The following ANO10 variants were observed in gnomAD, a reference collection of about 807,000 sequenced individuals.
ANO10 encodes anoctamin-10.
A neutral mutation model predicts 74.7 loss-of-function variants in ANO10; 77 were observed. The observed-to-expected ratio is 1.03, with a 90% CI of 0.86 to 1.25. The LOEUF is 1.25. Ranked by LOEUF, ANO10 falls within the 50% of genes most tolerant of loss-of-function variation. The pLI, the probability that ANO10 is intolerant of heterozygous loss-of-function variation, is 0.00. For synonymous variants in ANO10, 279 were observed against 284.9 expected (o/e 0.98, Z 0.21); for missense variants, 721 against 778.1 (o/e 0.93, Z 0.87).
chr3:43,502,637 A>G (rs907078988), intron 11 of ANO10, among the ~76,000 whole-genome samples: 1 of 152,130 alleles, frequency 6.6e-6, no homozygotes, highest in Non-Finnish European at 1.5e-5. Flanking sequence ...TATTCCTTTT[A>G]TAACAACACA....
At chr3:43,426,943 C>T (rs1243119351) in intron 12 of ANO10, among the ~76,000 whole-genome samples, 2 of 152,168 alleles carry the variant, frequency 1.3e-5, no homozygotes, top group African/African-American at 2.4e-5. Context: ...GTTTTCAGTA[C>T]ATTTCCTTCC....
intron 1 of ANO10, among the ~76,000 whole-genome samples, chr3:43,637,121 G>C (rs1439628530): frequency 6.6e-6 from 1 of 152,196 alleles, no homozygotes; most frequent in Admixed American, 6.5e-5. Context: ...AGTGAGCTGT[G>C]TTTGCACCAC....
chr3:43,398,832 C>A (rs2092428887), intron 12 of ANO10, among the ~76,000 whole-genome samples: 2 of 152,232 alleles, frequency 1.3e-5, no homozygotes, highest in Non-Finnish European at 2.9e-5. Context: ...TAGTATCTAT[C>A]TCATAGAGTT....
upstream of ANO10, among the ~76,000 whole-genome samples, chr3:43,622,593 A>T (rs2083444218): frequency 6.6e-6 from 1 of 152,182 alleles, no homozygotes; most frequent in Admixed American, 6.5e-5. Context: ...AACCACAGCC[A>T]AATCCCAAAA....
At chr3:43,623,285 T>C (rs970078299), upstream of ANO10, among the ~76,000 whole-genome samples, 3 of 152,258 alleles carry the variant, frequency 2.0e-5, no homozygotes, top group Admixed American at 1.3e-4. Context: ...ACAGTCTATT[T>C]TTATAATTGT....
At chr3:43,497,683 G>A (rs1375305473) in intron 11 of ANO10, among the ~76,000 whole-genome samples, 1 of 152,174 alleles carries the variant, frequency 6.6e-6, no homozygotes, top group East Asian at 1.9e-4. Flanking sequence ...CCTCCCAGAT[G>A]CCCTCTGCCC....
intron 4 of ANO10, among the ~76,000 whole-genome samples, chr3:43,582,512 A>G (rs1467012263): frequency 3.3e-5 from 5 of 152,306 alleles, no homozygotes; most frequent in African/African-American, 1.2e-4. Context: ...TATTCTTAGG[A>G]CAGGTCCCCA....
In ANO10 at chr3:43,432,728, C is replaced by T; in HGVS notation, c.1798-1G>A. 6.2e-7 allele frequency: 1 copy of T among 1,601,930 alleles called. No homozygotes were observed. Reference sequence around the variant, plus strand: ...TAAACTTTAAAGCCAGGAGTGCGTGCTGAAAACAAGAAAGAGTACATGTTG... The same window carrying T: ...TAAACTTTAAAGCCAGGAGTGCGTGTTGAAAACAAGAAAGAGTACATGTTG... On this transcript the variant is annotated splice_acceptor_variant, in intron 11 of 12. Coordinates refer to ENST00000292246, the MANE Select transcript of ANO10 (RefSeq NM_018075.5). LOFTEE classifies it high-confidence loss of function.
At chr3:43,411,887 C>T (rs2092670588) in intron 12 of ANO10, among the ~76,000 whole-genome samples, 1 of 151,990 alleles carries the variant, frequency 6.6e-6, no homozygotes, top group South Asian at 2.1e-4. Context: ...ATGTAATTAA[C>T]TCACAAAGAC....
intron 11 of ANO10, among the ~76,000 whole-genome samples, chr3:43,481,327 G>A (rs1356104099): frequency 6.6e-6 from 1 of 152,128 alleles, no homozygotes; most frequent in African/African-American, 2.4e-5. Flanking sequence ...TTGGTCAACT[G>A]TAAGTGAAAA....
chr3:43,397,692 A>G (rs945267075), intron 12 of ANO10, among the ~76,000 whole-genome samples: 2 of 152,134 alleles, frequency 1.3e-5, no homozygotes, highest in Admixed American at 6.5e-5. Flanking sequence ...TGAATAGTAA[A>G]TGGAGCCCTC....
chr3:43,551,479 A>G (rs1346619328), intron 10 of ANO10: 1 of 455,688 alleles, frequency 2.2e-6, no homozygotes, highest in Non-Finnish European at 4.4e-6. Flanking sequence ...TACCTGTGAA[A>G]CCACCACCAC....
chr3:43,466,792 C>T (rs1450129459), intron 11 of ANO10, among the ~76,000 whole-genome samples: 2 of 152,048 alleles, frequency 1.3e-5, no homozygotes, highest in Admixed American at 1.3e-4. Context: ...GTCTTCAACA[C>T]ATTATGTTAA....
chr3:43,585,915 A>G (rs888108601), intron 4 of ANO10, among the ~76,000 whole-genome samples: 2 of 152,256 alleles, frequency 1.3e-5, no homozygotes, highest in African/African-American at 4.8e-5. Flanking sequence ...ATGCCAAATT[A>G]AAAACAAAAG....
At chr3:43,597,442 A>T (rs899543957) in intron 4 of ANO10, among the ~76,000 whole-genome samples, 1 of 152,174 alleles carries the variant, frequency 6.6e-6, no homozygotes, top group African/African-American at 2.4e-5. Flanking sequence ...ATAAAAAATG[A>T]TGAGTTCATG....
intron 1 of ANO10, among the ~76,000 whole-genome samples, chr3:43,632,672 G>A (rs1422564021): frequency 1.3e-5 from 2 of 152,188 alleles, no homozygotes; most frequent in African/African-American, 4.8e-5. Flanking sequence ...GACATGTTTT[G>A]CTGCCCTAAA....
rs1458075004 is a variant in ANO10 at position 43,421,035 on chromosome 3, C to T, written c.1914+11576G>A. Among the ~76,000 whole-genome samples the T allele has an allele frequency of 2.0e-5, 3 of 151,346 alleles. No homozygotes were observed. In the East Asian group the frequency reaches 5.9e-4, roughly 30 times the overall value. ...GTCAAGAGTTTGAGACCAGCCTGGC[C>T]AACATGGCGAAACCCTGTCTCTACT... On this transcript the variant is annotated intron_variant, in intron 12 of 12. Transcript: ENST00000292246.
At chr3:43,511,117 C>T (rs376389126) in intron 11 of ANO10, among the ~76,000 whole-genome samples, 6 of 152,178 alleles carry the variant, frequency 3.9e-5, no homozygotes, top group East Asian at 1.9e-4. Context: ...TTTTTAAAGA[C>T]GATCGTTTTA....
intron 1 of ANO10, among the ~76,000 whole-genome samples, chr3:43,634,437 T>C (rs1575572593): frequency 6.6e-6 from 1 of 152,188 alleles, no homozygotes; most frequent in East Asian, 1.9e-4. Context: ...TAAACAAGCT[T>C]ATTTTAAATG....
Sources: allele counts gnomAD v4.1 joint callset (sites outside exome capture counted in the v4.1 genomes callset), GRCh38; gene constraint gnomAD v4.1.1; transcripts MANE v1.5; gene names NCBI Gene and HGNC (gene_info 2026-07-23, HGNC 2026-07-21).